The following PKHD1 variants were observed in gnomAD, a reference collection of about 807,000 sequenced individuals.
PKHD1 encodes fibrocystin.
In PKHD1, 291 loss-of-function variants were observed where a neutral mutation model predicts 412.0. That is an observed-to-expected ratio of 0.71 (90% CI 0.64 to 0.78). PKHD1 has a LOEUF of 0.78. Among genes scored for constraint, PKHD1 ranks in the 30% least tolerant of loss-of-function variants. The pLI is 0.00. For missense variants in PKHD1, 4,825 were observed against 4,950.7 expected (o/e 0.97, Z 0.76); for synonymous variants, 1,777 against 1,821.5 (o/e 0.98, Z 0.62).
At chr6:51,917,195 GGAGAGA>G (rs70977317) in intron 37 of PKHD1, among the ~76,000 whole-genome samples, 3 of 113,938 alleles carry the variant, frequency 2.6e-5, no homozygotes, top group Non-Finnish European at 5.1e-5. Context: ...GAGGTGGGGG[GGAGAGA>G]GAGAGAGAGA....
intron 42 of PKHD1, 56 bp downstream of exon 42, chr6:51,903,930 A>T: frequency 1.6e-6 from 2 of 1,239,668 alleles, no homozygotes; most frequent in Non-Finnish European, 2.4e-6. Flanking sequence ...TGTCTATAAA[A>T]TATATGACAA....
intron 61 of PKHD1, among the ~76,000 whole-genome samples, chr6:51,656,642 G>C (rs1487559236): frequency 1.3e-5 from 2 of 149,854 alleles, no homozygotes; most frequent in Non-Finnish European, 3.0e-5. Flanking sequence ...AAACAGAGTT[G>C]GTAGCTTATA....
chr6:51,649,088 C>T lies in PKHD1; in HGVS notation c.11307G>A (p.Glu3769=). The change falls in exon 62 of 67, where the codon GAG becomes GAA. Residue 3769 remains glutamate, a synonymous_variant. Transcript: ENST00000371117. ...PVQPQLVFLD[E]QNRRVESLGP... is the part of the protein sequence containing the mutation. The stretch of plus-strand genomic sequence containing the variant: ...TTTGTTACCTGTGAAAAGTTACCTG[C>T]TCATCCAAAAATACCAATTGTGGCT... 2 of 1,613,586 alleles carry T rather than the reference C, an allele frequency of 1.2e-6. No homozygotes were observed. Among genetic ancestry groups the T allele is most frequent in the Middle Eastern group, 1.7e-4 (1 of 6,060 alleles).
chr6:51,768,690 A>G (rs1789540611), intron 55 of PKHD1, among the ~76,000 whole-genome samples: 1 of 151,798 alleles, frequency 6.6e-6, no homozygotes, highest in Non-Finnish European at 1.5e-5. Context: ...GCCTGAATAT[A>G]TTGGCTAAAA....
chr6:52,005,319 T>G (rs1356831603), intron 35 of PKHD1, among the ~76,000 whole-genome samples: 1 of 152,230 alleles, frequency 6.6e-6, no homozygotes, highest in Non-Finnish European at 1.5e-5. Flanking sequence ...ACTGACTCCT[T>G]GGGGATTACT....
At chr6:51,730,635 A>T (rs1433592578) in intron 60 of PKHD1, among the ~76,000 whole-genome samples, 1 of 152,340 alleles carries the variant, frequency 6.6e-6, no homozygotes, top group African/African-American at 2.4e-5. Context: ...TGAAAATGTA[A>T]ATACATAAAG....
intron 52 of PKHD1, among the ~76,000 whole-genome samples, chr6:51,823,965 G>T (rs1221506245): frequency 1.3e-5 from 2 of 152,088 alleles, no homozygotes; most frequent in African/African-American, 4.8e-5. Flanking sequence ...ATCAATAGTA[G>T]TCCCTTTAAT....
At chr6:51,819,987 T>C (rs773734872) in intron 52 of PKHD1, among the ~76,000 whole-genome samples, 23 of 152,216 alleles carry the variant, frequency 1.5e-4, no homozygotes, top group Non-Finnish European at 2.9e-4. Flanking sequence ...ATTTTTAACG[T>C]ACTTGCAGAT....
In PKHD1 at chr6:52,056,796, A is replaced by G; in HGVS notation, c.1603-8T>C. ...CTCAATGGTTGTTTGAATCTATTAC[A>G]AAGGAAAAAAATGCCAGGAATTTAT... On this transcript the variant is annotated splice_polypyrimidine_tract_variant and splice_region_variant and intron_variant, in intron 17 of 66. Transcript: ENST00000371117. The G allele has an allele frequency of 6.8e-6, 11 of 1,608,252 alleles. No homozygotes were observed. The highest frequency in any genetic ancestry group is 9.4e-6 in the Non-Finnish European group (11 of 1,174,636).
chr6:51,680,209 T>A (rs1448807178), intron 60 of PKHD1, among the ~76,000 whole-genome samples: 1 of 152,030 alleles, frequency 6.6e-6, no homozygotes, highest in African/African-American at 2.4e-5. Context: ...TTTTCCACGA[T>A]GGCTTGATAT....
At chr6:51,922,305 C>T (rs1350363561) in intron 37 of PKHD1, among the ~76,000 whole-genome samples, 1 of 152,164 alleles carries the variant, frequency 6.6e-6, no homozygotes, top group East Asian at 1.9e-4. Flanking sequence ...GCTGCCTGAT[C>T]CTTCTTCTGG....
chr6:51,633,870 T>C (rs1271611875), intron 64 of PKHD1, among the ~76,000 whole-genome samples: 2 of 152,292 alleles, frequency 1.3e-5, no homozygotes, highest in African/African-American at 2.4e-5. Context: ...AAAATGTCAA[T>C]TTTAAAGTAC....
intron 64 of PKHD1, among the ~76,000 whole-genome samples, chr6:51,633,755 T>G (rs747082545): frequency 6.6e-5 from 10 of 152,178 alleles, no homozygotes; most frequent in Non-Finnish European, 1.3e-4. Flanking sequence ...AAAGGCTACA[T>G]GTATGTGAGA....
chr6:52,021,170 A>C (rs1461210185), intron 33 of PKHD1, among the ~76,000 whole-genome samples: 3 of 152,228 alleles, frequency 2.0e-5, no homozygotes, highest in Admixed American at 2.0e-4. Flanking sequence ...GGTGACACCT[A>C]GTGGCCATAT....
chr6:51,737,626 T>C (rs775343555), intron 60 of PKHD1, among the ~76,000 whole-genome samples: 6 of 152,204 alleles, frequency 3.9e-5, no homozygotes, highest in Non-Finnish European at 7.3e-5. Context: ...AATATTGTCT[T>C]CTTAATATCT....
Position 52,071,371 on chromosome 6 carries a change from T to A in PKHD1, c.603-301A>T, listed in dbSNP as rs530598790. ...ATGACAAGTATAACAAAACCTTTAT[T>A]TTTAAAAAATCTGTTATCAAGTATG... On this transcript the variant is annotated intron_variant, in intron 8 of 66. Coordinates refer to ENST00000371117, the MANE Select transcript of PKHD1 (RefSeq NM_138694.4). Among the ~76,000 whole-genome samples the A allele has an allele frequency of 1.4e-4, 21 of 152,048 alleles. 1 individual carries two copies. Among genetic ancestry groups the A allele is most frequent in the South Asian group, 1.3e-3 (6 of 4,796 alleles).
intron 52 of PKHD1, among the ~76,000 whole-genome samples, chr6:51,805,481 G>A (rs190997355): frequency 1.3e-5 from 2 of 152,256 alleles, no homozygotes; most frequent in East Asian, 3.9e-4. Flanking sequence ...TCAGCGTTAT[G>A]TAATACTTAC....
At chr6:51,846,804 T>C (rs899982584) in intron 50 of PKHD1, among the ~76,000 whole-genome samples, 1 of 152,124 alleles carries the variant, frequency 6.6e-6, no homozygotes. Context: ...ATGCTACTCA[T>C]CTTCCTGACC....
In PKHD1 at chr6:52,044,999, T is replaced by C; in HGVS notation, c.2682A>G (p.Gly894=). 12 of 1,613,684 alleles carry C rather than the reference T, an allele frequency of 7.4e-6. No homozygotes were observed. The highest frequency in any genetic ancestry group is 1.0e-5 in the Non-Finnish European group (12 of 1,179,646). The change falls in exon 25 of 67, where the codon GGA becomes GGG. Residue 894 remains glycine (G), a synonymous_variant. Transcript: ENST00000371117. The part of the protein sequence containing the change: ...DGGVFLGPIF[G]DMLATANQHT... ...GCTGGTTGGCAGTAGCCAACATGTC[T>C]CCAAATATGGGTCCAAGAAAAACTC...
Sources: gnomAD v4.1 joint callset for allele counts (sites outside exome capture counted in the v4.1 genomes callset) on GRCh38, gnomAD v4.1.1 for gene constraint, MANE v1.5 for transcripts, NCBI Gene and HGNC (gene_info 2026-07-23, HGNC 2026-07-21) for gene names.